SLC23A2: variants seen among roughly 807,000 people sequenced by gnomAD.
The protein encoded by SLC23A2 is solute carrier family 23 member 2.
A neutral mutation model predicts 73.3 loss-of-function variants in SLC23A2; 36 were observed. The ratio of observed to expected loss-of-function variants is 0.49; its 90% CI spans 0.38 to 0.65. The LOEUF is 0.65. Ranked by LOEUF, SLC23A2 falls within the 30% of genes least tolerant of loss-of-function variation. SLC23A2 has a pLI of 0.00. For synonymous variants in SLC23A2, 343 were observed against 327.3 expected, an observed-to-expected ratio of 1.05 and a Z score of -0.52; for missense variants, 507 against 841.6, an observed-to-expected ratio of 0.60 and a Z score of 4.92.
intron 3 of SLC23A2, among the ~76,000 whole-genome samples, chr20:4,924,105 A>G (rs1303814912): frequency 2.0e-5 from 3 of 152,046 alleles, no homozygotes; most frequent in Admixed American, 6.6e-5. Context: ...TCTGAGCCGC[A>G]TCGCCACTCT....
intron 4 of SLC23A2, among the ~76,000 whole-genome samples, chr20:4,905,113 C>CAAAA (rs56708379): frequency 1.1e-4 from 11 of 96,740 alleles, no homozygotes; most frequent in Admixed American, 2.4e-4. Flanking sequence ...GATTCTGTCA[C>CAAAA]AAAAAAAAAA....
At chr20:4,896,023 G>A (rs371678389) in intron 6 of SLC23A2, among the ~76,000 whole-genome samples, 13 of 152,252 alleles carry the variant, frequency 8.5e-5, no homozygotes, top group African/African-American at 2.6e-4. Flanking sequence ...GCCTGGCCTC[G>A]TCTGGCCTAG....
At chr20:4,865,676 C>T (rs1176324505) in intron 13 of SLC23A2, among the ~76,000 whole-genome samples, 3 of 152,086 alleles carry the variant, frequency 2.0e-5, no homozygotes, top group South Asian at 2.1e-4. Context: ...CTCCTACAGT[C>T]GTCCCTAGGG....
Position 4,856,557 on chromosome 20 carries a change from T to G in SLC23A2, c.*415A>C. 1.3e-5 allele frequency: 2 copies of G among 159,292 alleles called. No homozygotes were observed. Among genetic ancestry groups the G allele is most frequent in the South Asian group, 1.8e-4 (1 of 5,410 alleles). 9.9% of individuals were successfully genotyped at this position (159,292 alleles called of 1,614,324 possible). A position where few individuals can be genotyped will look rare whatever the true frequency, so the allele number is the denominator to read the frequency against. ...AGGTCTCCGCGGGCACAGACGAGGG[T>G]CAAATGACAAGGAAACAGGTCCAGG... On this transcript the variant is annotated 3_prime_UTR_variant, in exon 17 of 17. Coordinates refer to ENST00000338244, the MANE Select transcript of SLC23A2 (RefSeq NM_005116.6). The surrounding 1 kb of genome is among the most constrained non-coding windows in gnomAD (Gnocchi z 4.6).
At chr20:4,874,753 T>G in intron 9 of SLC23A2, 57 bp from the exon 10 acceptor site, 1 of 1,456,418 alleles carries the variant, frequency 6.9e-7, no homozygotes, top group Non-Finnish European at 9.2e-7. Context: ...TGTTATAAAA[T>G]AACACTCGAA....
chr20:4,950,378 T>C (rs1369298997), intron 2 of SLC23A2, among the ~76,000 whole-genome samples: 4 of 152,128 alleles, frequency 2.6e-5, no homozygotes, highest in Non-Finnish European at 5.9e-5. Flanking sequence ...AAATTTCAGA[T>C]CTCAAGGTAG....
At position 4,886,996 on chromosome 20, in the gene SLC23A2, A is replaced by G. The variant is rs1931128619; in HGVS notation, c.483-1087T>C. Among the ~76,000 whole-genome samples, 6 of 152,232 alleles carry G rather than the reference A, an allele frequency of 3.9e-5. No individual in the cohort carries two copies. The South Asian group carries it at 1.2e-3, about 31-fold the overall frequency. ...CAGTCTCGTTGCAAGTCCAGAGCCC[A>G]GCACACACCATTCTGAGCCAGTGAG... On this transcript the variant is annotated intron_variant, in intron 6 of 16. Coordinates refer to ENST00000338244, the MANE Select transcript of SLC23A2 (RefSeq NM_005116.6).
intron 1 of SLC23A2, among the ~76,000 whole-genome samples, chr20:4,973,543 A>G (rs926507716): frequency 6.6e-6 from 1 of 152,208 alleles, no homozygotes; most frequent in African/African-American, 2.4e-5. Flanking sequence ...GAACATGCAA[A>G]TACATTTTTG....
chr20:4,994,897 G>A (rs899503994), intron 1 of SLC23A2, among the ~76,000 whole-genome samples: 7 of 151,784 alleles, frequency 4.6e-5, no homozygotes, highest in African/African-American at 7.3e-5. Context: ...TCGCACCATT[G>A]CACTCTAGCC....
intron 2 of SLC23A2, among the ~76,000 whole-genome samples, chr20:4,963,510 T>C (rs1403321525): frequency 6.6e-6 from 1 of 150,862 alleles, no homozygotes; most frequent in African/African-American, 2.4e-5. Flanking sequence ...GTGTTGCCAA[T>C]AGGAATATGA....
At chr20:4,983,458 A>C (rs558196693) in intron 1 of SLC23A2, among the ~76,000 whole-genome samples, 2,371 of 150,216 alleles carry the variant, frequency 0.016, 60 homozygotes, top group African/African-American at 0.055. Flanking sequence ...CATCCTGGCC[A>C]ACACGGTGAA....
At chr20:4,877,471 A>G (rs1930704895) in intron 9 of SLC23A2, among the ~76,000 whole-genome samples, 1 of 152,234 alleles carries the variant, frequency 6.6e-6, no homozygotes, top group Non-Finnish European at 1.5e-5. Context: ...TGGGGTAAAA[A>G]TGAATAAAAT....
At chr20:4,980,543 T>C (rs1176004778) in intron 1 of SLC23A2, among the ~76,000 whole-genome samples, 1 of 151,964 alleles carries the variant, frequency 6.6e-6, no homozygotes, top group Non-Finnish European at 1.5e-5. Flanking sequence ...TTTTCTTTTT[T>C]TTTTTTGAGA....
intron 15 of SLC23A2, among the ~76,000 whole-genome samples, 157 bp downstream of exon 15, chr20:4,861,791 G>GT (rs1929975595): frequency 6.6e-6 from 1 of 152,258 alleles, no homozygotes; most frequent in South Asian, 2.1e-4. Flanking sequence ...GCGCTTCCAG[G>GT]TAAGTATTGA....
intron 1 of SLC23A2, among the ~76,000 whole-genome samples, chr20:4,974,366 G>C (rs1032724523): frequency 7.9e-5 from 12 of 152,108 alleles, no homozygotes; most frequent in African/African-American, 2.9e-4. Flanking sequence ...ACTCGGGAAG[G>C]CTGAGGCAGG....
At chr20:4,931,567 C>T (rs1056945176) in intron 3 of SLC23A2, among the ~76,000 whole-genome samples, 2 of 151,958 alleles carry the variant, frequency 1.3e-5, no homozygotes, top group Admixed American at 6.6e-5. Flanking sequence ...GACCAGACTA[C>T]GCAACACAGT....
rs1018612673 is a variant in SLC23A2, at chr20:4,862,406, T to A, written c.1487-321A>T. Reference sequence around the variant, plus strand: ...GATTAAACAGGGAGACCTACCTAAATATCTGGTGCATGTCTCTGGTTATTA... The same window carrying A: ...GATTAAACAGGGAGACCTACCTAAAAATCTGGTGCATGTCTCTGGTTATTA... On this transcript the variant is annotated intron_variant, in intron 14 of 16. Transcript: ENST00000338244. The surrounding 1 kb of genome is among the most constrained non-coding windows in gnomAD (Gnocchi z 5.1). Among the ~76,000 whole-genome samples the A allele has an allele frequency of 1.3e-5, 2 of 152,228 alleles. No individual in the cohort carries two copies. Among genetic ancestry groups the A allele is most frequent in the African/African-American group, 2.4e-5 (1 of 41,466 alleles).
intron 2 of SLC23A2, among the ~76,000 whole-genome samples, chr20:4,936,645 A>T (rs966371807): frequency 2.0e-5 from 3 of 152,170 alleles, no homozygotes; most frequent in African/African-American, 7.2e-5. Flanking sequence ...GGTTAAGTTC[A>T]TCTTGGTGTT....
intron 2 of SLC23A2, 63 bp downstream of exon 2, chr20:4,970,730 C>T (rs1256772913): frequency 3.3e-5 from 5 of 152,370 alleles, no homozygotes; most frequent in African/African-American, 9.6e-5. Context: ...GAGCAAGAAC[C>T]TGTTTCAGAA....
Sources: allele counts gnomAD v4.1 joint callset (sites outside exome capture counted in the v4.1 genomes callset), GRCh38; gene constraint gnomAD v4.1.1; non-coding constraint Gnocchi (gnomAD v3.1); transcripts MANE v1.5; gene names NCBI Gene and HGNC (gene_info 2026-07-23, HGNC 2026-07-21).